The following FAAH2 variants were observed in gnomAD, a reference collection of about 807,000 sequenced individuals.
FAAH2 encodes fatty acid amide hydrolase 2.
Under a neutral mutation model 36.9 loss-of-function variants are expected in FAAH2, and 60 were observed. The ratio of observed to expected loss-of-function variants is 1.63; its 90% CI spans 1.32 to 2.02. The LOEUF is 2.02. Among genes scored for constraint, FAAH2 ranks in the 30% most tolerant of loss-of-function variants. FAAH2 has a pLI of 0.00. For synonymous variants in FAAH2, 214 were observed against 143.8 expected, an observed-to-expected ratio of 1.49 and a Z score of -3.49; for missense variants, 689 against 397.5, an observed-to-expected ratio of 1.73 and a Z score of -6.23.
At chrX:57,135,101 C>T in the FAAH2 span, 1 of 112,169 alleles carries the variant, frequency 8.9e-6, no homozygotes, top group Non-Finnish European at 1.9e-5. Context: ...CTCACTCCCT[C>T]TGTCAGTCTT....
chrX:57,339,165 C>T (rs564423792), intron 4 of FAAH2, among the ~76,000 whole-genome samples: 5 of 111,473 alleles, frequency 4.5e-5, no homozygotes, highest in East Asian at 2.8e-4. Flanking sequence ...CAATGGGGAA[C>T]GGATTCTCTA....
rs750948697 is a variant in FAAH2 at position 57,354,675 on chromosome X, T to C, written c.742+13285T>C. Among the ~76,000 whole-genome samples the C allele has an allele frequency of 7.2e-5, 8 of 110,791 alleles. No individual in the cohort carries two copies. In the South Asian group the frequency reaches 3.0e-3, roughly 42 times the overall value. ...AACCTTTGTTAAGTATACATAAAAATCTTGTACTTTATGAATTTAACTATG... is the reference window on the plus strand; with the variant it reads ...AACCTTTGTTAAGTATACATAAAAACCTTGTACTTTATGAATTTAACTATG... On this transcript the variant is annotated intron_variant, in intron 5 of 10. Transcript: ENST00000374900.
chrX:57,466,148 C>T (rs867601205), intron 10 of FAAH2, among the ~76,000 whole-genome samples: 1 of 78,562 alleles, frequency 1.3e-5, no homozygotes, highest in Non-Finnish European at 2.3e-5. Context: ...CTCTCTCTCT[C>T]TCTCTCTCTA....
chrX:57,389,089 G>A (rs146488587), intron 7 of FAAH2, among the ~76,000 whole-genome samples: 3 of 107,044 alleles, frequency 2.8e-5, no homozygotes, highest in Middle Eastern at 9.7e-3. Context: ...CCATAGACAT[G>A]TTTTCTATTC....
intron 3 of FAAH2, among the ~76,000 whole-genome samples, chrX:57,325,963 C>G (rs1274690750): frequency 5.4e-5 from 1 of 18,499 alleles, no homozygotes; most frequent in African/African-American, 3.1e-4. Flanking sequence ...CCTGCTTTCT[C>G]TTGTGGGCAT....
At chrX:57,189,198 G>C in the FAAH2 span, among the ~76,000 whole-genome samples, 8 of 110,318 alleles carry the variant, frequency 7.3e-5, no homozygotes, top group Admixed American at 7.8e-4. Flanking sequence ...ACTTGTGTAG[G>C]CTTCATGACA....
chrX:57,451,967 T>A (rs761838247), intron 10 of FAAH2, among the ~76,000 whole-genome samples: 19 of 112,468 alleles, frequency 1.7e-4, no homozygotes, highest in Non-Finnish European at 3.6e-4. Context: ...TCATTGTATC[T>A]CAAAGAAGTT....
the FAAH2 span, among the ~76,000 whole-genome samples, chrX:57,151,756 C>G: frequency 9.0e-6 from 1 of 111,684 alleles, no homozygotes; most frequent in African/African-American, 3.2e-5. Flanking sequence ...CTTCTCTCAG[C>G]TTGTCAAAGT....
intron 4 of FAAH2, among the ~76,000 whole-genome samples, chrX:57,334,869 C>A (rs1289060779): frequency 9.0e-6 from 1 of 111,138 alleles, no homozygotes; most frequent in African/African-American, 3.3e-5. Context: ...ACATTTAAAA[C>A]CAGAGACTTA....
intron 7 of FAAH2, among the ~76,000 whole-genome samples, chrX:57,399,031 C>T (rs147968668): frequency 1.8e-4 from 20 of 111,275 alleles, no homozygotes; most frequent in Admixed American, 4.8e-4. Context: ...TATCAACATC[C>T]GAGCATGGAC....
At chrX:57,152,910 T>TCCCCC in the FAAH2 span, among the ~76,000 whole-genome samples, 2 of 105,938 alleles carry the variant, frequency 1.9e-5, no homozygotes, top group African/African-American at 7.3e-5. Context: ...CCACCTTGGC[T>TCCCCC]CCCCCCCCGC....
the FAAH2 span, among the ~76,000 whole-genome samples, chrX:57,149,226 GT>G: frequency 9.0e-6 from 1 of 111,162 alleles, no homozygotes; most frequent in Non-Finnish European, 1.9e-5. Flanking sequence ...CTCTTTTTTG[GT>G]TGTGTCTCTG....
intron 2 of FAAH2, among the ~76,000 whole-genome samples, chrX:57,306,996 TAC>T (rs1487989041): frequency 0.011 from 558 of 49,228 alleles, 92 homozygotes; most frequent in African/African-American, 0.026. Flanking sequence ...CACACACAGA[TAC>T]ATATATATAT....
the FAAH2 span, among the ~76,000 whole-genome samples, chrX:57,230,504 C>A: frequency 2.7e-5 from 3 of 111,677 alleles, no homozygotes; most frequent in African/African-American, 9.8e-5. Flanking sequence ...TTTCCTATTT[C>A]TTTGAGACTC....
At chrX:57,284,874 A>T (rs981300590), upstream of FAAH2, among the ~76,000 whole-genome samples, 1 of 112,118 alleles carries the variant, frequency 8.9e-6, no homozygotes, top group African/African-American at 3.2e-5. Flanking sequence ...GATTTGTTCA[A>T]GGTCAAAAAC....
chrX:57,281,738 G>T (rs764500100), upstream of FAAH2, among the ~76,000 whole-genome samples: 1 of 111,513 alleles, frequency 9.0e-6, no homozygotes, highest in East Asian at 2.8e-4. Flanking sequence ...CCTTCAAGTA[G>T]GCTGTGGTGT....
the FAAH2 span, among the ~76,000 whole-genome samples, chrX:57,264,511 T>C: frequency 8.9e-6 from 1 of 112,447 alleles, no homozygotes; most frequent in South Asian, 3.6e-4. Flanking sequence ...AAACTGGCTA[T>C]AATTATAAAG....
chrX:57,160,696 T>C, the FAAH2 span, among the ~76,000 whole-genome samples: 8 of 112,222 alleles, frequency 7.1e-5, no homozygotes, highest in African/African-American at 2.6e-4. Context: ...ATCCCCTTTG[T>C]CCTTTTTTAT....
At chrX:57,196,015 G>A in the FAAH2 span, among the ~76,000 whole-genome samples, 5 of 112,082 alleles carry the variant, frequency 4.5e-5, no homozygotes, top group Non-Finnish European at 7.5e-5. Flanking sequence ...TTATAGTATA[G>A]TTTGAAGTTG....
Sources: gnomAD v4.1 joint callset for allele counts (sites outside exome capture counted in the v4.1 genomes callset) on GRCh38, gnomAD v4.1.1 for gene constraint, MANE v1.5 for transcripts, NCBI Gene and HGNC (gene_info 2026-07-23, HGNC 2026-07-21) for gene names.